Variants in FOXP1 observed in about 807,000 individuals in gnomAD.
The protein encoded by FOXP1 is forkhead box P1.
FOXP1 carries 15 observed loss-of-function variants against 98.2 expected under a neutral mutation model. That is an observed-to-expected ratio of 0.15 (90% CI 0.10 to 0.24). The LOEUF (loss-of-function observed/expected upper bound fraction) is 0.24. Ranked by LOEUF, FOXP1 falls within the 10% of genes least tolerant of loss-of-function variation. The pLI is 1.00. For synonymous variants in FOXP1, 371 were observed against 314.5 expected (o/e 1.18, Z -1.90); for missense variants, 633 against 848.5 (o/e 0.75, Z 3.15).
chr3:70,982,761 G>C (rs762480884), intron 14 of FOXP1, among the ~76,000 whole-genome samples: 2 of 150,678 alleles, frequency 1.3e-5, no homozygotes, highest in Non-Finnish European at 3.0e-5. Context: ...GTTTAAAGAT[G>C]ATGAGTCACT....
chr3:71,494,379 A>G (rs2107068935), intron 2 of FOXP1, among the ~76,000 whole-genome samples: 1 of 152,318 alleles, frequency 6.6e-6, no homozygotes, highest in South Asian at 2.1e-4. Flanking sequence ...CTGATTAAAA[A>G]GAGATTTTTG....
intron 3 of FOXP1, among the ~76,000 whole-genome samples, chr3:71,380,698 A>T (rs1174719930): frequency 1.3e-3 from 129 of 100,168 alleles, no homozygotes; most frequent in Admixed American, 1.5e-3. Flanking sequence ...CTTTTTAGAC[A>T]TTTTTTTTTT....
In FOXP1 at chr3:70,977,548, G is replaced by A. The variant is rs994620557; in HGVS notation, c.1428+95C>T. The A allele has an allele frequency of 3.9e-5, 40 of 1,035,994 alleles. No homozygotes were observed. In the Admixed American group the frequency reaches 6.8e-4, roughly 18 times the overall value. The allele number at this position is 1,035,994 out of a possible 1,614,324, so 64.2% of individuals were successfully genotyped here. On this transcript the variant is annotated intron_variant, in intron 16 of 20. Coordinates refer to ENST00000649528, the MANE Select transcript of FOXP1 (RefSeq NM_001349338.3). ...TTATAGAAAAGGTTTCAGCATGCTT[G>A]CATACTAAACGGTTTTTAAATCTAC...
chr3:71,529,998 AG>A (rs931491443), intron 2 of FOXP1, among the ~76,000 whole-genome samples: 1 of 152,160 alleles, frequency 6.6e-6, no homozygotes, highest in Non-Finnish European at 1.5e-5. Flanking sequence ...CTGTGTCCAA[AG>A]CAGGGGCAGT....
chr3:70,960,415 T>C (rs2033086558), intron 20 of FOXP1, among the ~76,000 whole-genome samples: 1 of 152,178 alleles, frequency 6.6e-6, no homozygotes, highest in Non-Finnish European at 1.5e-5. Flanking sequence ...CAGCGCATGG[T>C]TCACCCAAAG....
At chr3:71,311,110 C>T (rs180815742) in intron 4 of FOXP1, among the ~76,000 whole-genome samples, 1 of 152,252 alleles carries the variant, frequency 6.6e-6, no homozygotes, top group African/African-American at 2.4e-5. Context: ...GACATGGTCT[C>T]ACTCTGTTGC....
intron 6 of FOXP1, among the ~76,000 whole-genome samples, chr3:71,124,001 G>T (rs1260958529): frequency 6.6e-6 from 1 of 152,080 alleles, no homozygotes; most frequent in East Asian, 1.9e-4. Flanking sequence ...GGCGACAAGG[G>T]TGAAAAAATT....
chr3:71,426,859 G>A (rs1302027594), intron 3 of FOXP1, among the ~76,000 whole-genome samples: 2 of 152,120 alleles, frequency 1.3e-5, no homozygotes, highest in Admixed American at 6.5e-5. Flanking sequence ...TCAAGAGTTC[G>A]AGACCAGCCT....
intron 3 of FOXP1, among the ~76,000 whole-genome samples, chr3:71,486,288 A>G (rs1039302190): frequency 6.6e-6 from 1 of 152,064 alleles, no homozygotes; most frequent in African/African-American, 2.4e-5. Context: ...AGGAAAAGTA[A>G]GTGCCTGATG....
chr3:71,086,777 C>T (rs1007407673), intron 7 of FOXP1, among the ~76,000 whole-genome samples: 7 of 152,196 alleles, frequency 4.6e-5, no homozygotes, highest in East Asian at 1.9e-4. Flanking sequence ...AAATTAAAAG[C>T]GATTTGCTTG....
intron 19 of FOXP1, chr3:70,969,220 T>G (rs1301645041): frequency 6.6e-6 from 1 of 152,026 alleles, no homozygotes. Flanking sequence ...AAATTCACAC[T>G]TCACAAGACT....
At chr3:71,496,391 G>A (rs2091408647) in intron 2 of FOXP1, among the ~76,000 whole-genome samples, 1 of 152,206 alleles carries the variant, frequency 6.6e-6, no homozygotes, top group African/African-American at 2.4e-5. Flanking sequence ...TCGAAGGCTT[G>A]GGGGTGAGGA....
intron 2 of FOXP1, among the ~76,000 whole-genome samples, chr3:71,494,005 T>C (rs2091239619): frequency 6.6e-6 from 1 of 152,168 alleles, no homozygotes; most frequent in Non-Finnish European, 1.5e-5. Flanking sequence ...ATAACGAACA[T>C]TAAAACTAGT....
intron 6 of FOXP1, among the ~76,000 whole-genome samples, chr3:71,142,142 CAA>C (rs5849992): frequency 8.0e-5 from 12 of 150,644 alleles, no homozygotes; most frequent in South Asian, 2.1e-4. Flanking sequence ...TGTTGACAAA[CAA>C]AAAAAAAAAC....
intron 2 of FOXP1, among the ~76,000 whole-genome samples, chr3:71,559,155 C>A (rs2046363936): frequency 6.6e-6 from 1 of 152,152 alleles, no homozygotes; most frequent in African/African-American, 2.4e-5. Flanking sequence ...ATTGCTGCAG[C>A]CATTTTGCCT....
At chr3:71,361,223 G>T (rs1000880076) in intron 3 of FOXP1, among the ~76,000 whole-genome samples, 2 of 152,120 alleles carry the variant, frequency 1.3e-5, no homozygotes, top group Admixed American at 1.3e-4. Context: ...GCCACTAAAA[G>T]AAAGATGACC....
Position 71,487,469 on chromosome 3 carries a change from G to A in FOXP1, c.-168+5957C>T, listed in dbSNP as rs529245276. ...ACTGCAAAGATCGCTCAAAAGCCCC[G>A]GCCTTATACCTTATACACTGCATTG... On this transcript the variant is annotated intron_variant, in intron 3 of 20. Transcript: ENST00000649528. Among the ~76,000 whole-genome samples, 49 of 152,228 alleles carry A rather than the reference G, an allele frequency of 3.2e-4. No homozygotes were observed. In the South Asian group the frequency reaches 8.3e-3, roughly 26 times the overall value.
chr3:71,060,124 A>AT (rs532165139), intron 7 of FOXP1, among the ~76,000 whole-genome samples: 3 of 151,980 alleles, frequency 2.0e-5, no homozygotes, highest in South Asian at 4.2e-4. Context: ...GCAAATATGT[A>AT]TTTTTTTTCC....
intron 1 of FOXP1, chr3:71,582,918 T>A: frequency 3.3e-6 from 2 of 614,836 alleles, no homozygotes; most frequent in Non-Finnish European, 4.1e-6. Flanking sequence ...GGCACCACAG[T>A]CAGTTTGCTG....
Sources: gnomAD v4.1 joint callset for allele counts (sites outside exome capture counted in the v4.1 genomes callset) on GRCh38, gnomAD v4.1.1 for gene constraint, MANE v1.5 for transcripts, NCBI Gene and HGNC (gene_info 2026-07-23, HGNC 2026-07-21) for gene names.